JMJD1C: variants seen among roughly 807,000 people sequenced by gnomAD.
JMJD1C encodes jumonji domain-containing protein 1C.
Under a neutral mutation model 245.3 loss-of-function variants are expected in JMJD1C, and 31 were observed. That is an observed-to-expected ratio of 0.13 (90% CI 0.09 to 0.17). JMJD1C has a LOEUF of 0.17. Among genes scored for constraint, JMJD1C ranks in the 10% least tolerant of loss-of-function variants. JMJD1C has a pLI of 1.00. For missense variants in JMJD1C, 2,691 were observed against 3,000.2 expected, an observed-to-expected ratio of 0.90 and a Z score of 2.41; for synonymous variants, 1,057 against 1,017.4, an observed-to-expected ratio of 1.04 and a Z score of -0.74.
chr10:63,367,234 T>G (rs941945410), intron 2 of JMJD1C, among the ~76,000 whole-genome samples: 5 of 151,992 alleles, frequency 3.3e-5, no homozygotes, highest in African/African-American at 9.7e-5. Context: ...AGTTTTTTTT[T>G]GTTTTTGTTT....
Position 63,214,662 on chromosome 10 carries a change from C to A in JMJD1C, c.1505G>T (p.Arg502Ile), listed in dbSNP as rs757689115. The A allele has an allele frequency of 6.2e-7, 1 of 1,614,028 alleles. No individual in the cohort carries two copies. The highest frequency in any genetic ancestry group is 1.1e-5 in the South Asian group (1 of 91,064). ...ELLPKEKFVS[R>I]PPTPKCVIDI... ...AATAACACATTTTGGTGTGGGTGGTCTGGATACAAACTTCTCCTTTGGTAG... is the reference window on the plus strand; with the variant it reads ...AATAACACATTTTGGTGTGGGTGGTATGGATACAAACTTCTCCTTTGGTAG... Residue 502 changes from arginine (R) to isoleucine (I), a missense_variant, in exon 8 of 26, where the codon AGA becomes ATA. Transcript: ENST00000399262.
chr10:63,465,363 A>T (rs994611334), intron 1 of JMJD1C, 132 bp downstream of exon 1: 1 of 952,374 alleles, frequency 1.1e-6, no homozygotes, highest in Non-Finnish European at 1.5e-6. Context: ...CAAACGCGCC[A>T]AGGGTTCAGC....
intron 1 of JMJD1C, among the ~76,000 whole-genome samples, chr10:63,494,129 G>A (rs1589827107): frequency 6.6e-6 from 1 of 152,236 alleles, no homozygotes. Flanking sequence ...TGACCAACAC[G>A]GAGAAACCCC....
At chr10:63,414,863 G>T (rs1253522365) in intron 1 of JMJD1C, among the ~76,000 whole-genome samples, 2 of 150,532 alleles carry the variant, frequency 1.3e-5, no homozygotes, top group Non-Finnish European at 3.0e-5. Flanking sequence ...GCTGAGATCA[G>T]GCCACTGCAC....
intron 1 of JMJD1C, among the ~76,000 whole-genome samples, chr10:63,424,352 C>A (rs1329854177): frequency 6.6e-6 from 1 of 151,944 alleles, no homozygotes; most frequent in African/African-American, 2.4e-5. Flanking sequence ...CAGGCATGAG[C>A]CACTGCACAT....
intron 1 of JMJD1C, among the ~76,000 whole-genome samples, chr10:63,460,492 C>A (rs1050417436): frequency 6.6e-6 from 1 of 152,160 alleles, no homozygotes; most frequent in Non-Finnish European, 1.5e-5. Flanking sequence ...GCACTCCAGC[C>A]TGGGTAACAG....
chr10:63,178,006 T>A (rs1258834771), intron 22 of JMJD1C, 150 bp from the exon 23 acceptor site: 1 of 733,586 alleles, frequency 1.4e-6, no homozygotes, highest in Non-Finnish European at 2.2e-6. Context: ...AGTGGCATGA[T>A]CTTGGCTCAC....
chr10:63,272,791 T>C (rs1856454936), intron 2 of JMJD1C, among the ~76,000 whole-genome samples: 1 of 152,232 alleles, frequency 6.6e-6, no homozygotes, highest in Admixed American at 6.5e-5. Context: ...TATTGTACAT[T>C]AGAAAATTTC....
intron 3 of JMJD1C, chr10:63,223,107 A>G: frequency 1.7e-6 from 1 of 592,960 alleles, no homozygotes; most frequent in East Asian, 3.1e-5. Context: ...AAACTTACCG[A>G]TAGTTTCAGT....
chr10:63,269,684 T>C (rs1856046426), intron 2 of JMJD1C, among the ~76,000 whole-genome samples: 1 of 152,112 alleles, frequency 6.6e-6, no homozygotes, highest in Non-Finnish European at 1.5e-5. Flanking sequence ...CATAGGCATT[T>C]TACTAAAAAA....
chr10:63,521,597 C>A, intron 1 of JMJD1C: 1 of 1,402,640 alleles, frequency 7.1e-7, no homozygotes, highest in South Asian at 1.6e-5. Flanking sequence ...TCTCACTGCG[C>A]CCTGCAGCCG....
rs749792162 is a variant in JMJD1C at position 63,176,371 on chromosome 10, A to G, written c.7327T>C (p.Tyr2443His). 9.3e-6 allele frequency: 15 copies of G among 1,614,066 alleles called. No homozygotes were observed. Among genetic ancestry groups the G allele is most frequent in the Non-Finnish European group, 1.2e-5 (14 of 1,179,950 alleles). Residue 2443 changes from tyrosine (Y) to histidine (H), a missense_variant, in exon 24 of 26, where the codon TAT becomes CAT. Around this residue, in one of 9 missense-constraint regions of JMJD1C, gnomAD observed 232 missense variants for 416.1 expected, o/e 0.56. Coordinates refer to ENST00000399262, the MANE Select transcript of JMJD1C (RefSeq NM_032776.3). ...KKLRQRLLEE[Y>H]GVRTCTLIQF... Reference sequence around the variant, plus strand: ...ATAAGAGTACAGGTTCTGACTCCATATTCTTCAAGCAGCCTTTGACGGAGC... The same window carrying G: ...ATAAGAGTACAGGTTCTGACTCCATGTTCTTCAAGCAGCCTTTGACGGAGC...
chr10:63,485,734 G>A (rs116999194), intron 1 of JMJD1C, among the ~76,000 whole-genome samples: 2,655 of 152,242 alleles, frequency 0.017, 34 homozygotes, highest in South Asian at 0.034. Context: ...TTAAATAACA[G>A]TGCTATATGA....
intron 1 of JMJD1C, among the ~76,000 whole-genome samples, chr10:63,486,612 AC>A (rs1404565484): frequency 6.6e-6 from 1 of 152,194 alleles, no homozygotes; most frequent in Non-Finnish European, 1.5e-5. Flanking sequence ...ATCTAAAAAA[AC>A]AACAAACCCA....
intron 2 of JMJD1C, among the ~76,000 whole-genome samples, chr10:63,284,768 G>A (rs1268610220): frequency 6.6e-6 from 1 of 151,866 alleles, no homozygotes; most frequent in Non-Finnish European, 1.5e-5. Context: ...ACAGTTCAGA[G>A]TTGTGAGTGG....
chr10:63,464,360 G>C (rs1480516896), intron 1 of JMJD1C, among the ~76,000 whole-genome samples: 1 of 151,842 alleles, frequency 6.6e-6, no homozygotes, highest in Non-Finnish European at 1.5e-5. Flanking sequence ...TATTAAAATA[G>C]GTAGGTAAAA....
chr10:63,191,029 T>G lies in JMJD1C; in HGVS notation c.6156A>C (p.Thr2052=), dbSNP rs1844733418. 1 of 1,614,080 alleles carries G rather than the reference T, an allele frequency of 6.2e-7. No homozygotes were observed. The highest frequency in any genetic ancestry group is 1.1e-5 in the South Asian group (1 of 91,088). ...CATTATTCTGGGACACAAGAGGTGA[T>G]GTTCTGCCATTTGGAGATTCAGAGT... is the stretch of plus-strand genomic sequence containing the variant. ...QDNSESPNGR[T]SPLVSQNNEQ... The change falls in exon 17 of 26, where the codon ACA becomes ACC. Residue 2052 remains threonine, a synonymous_variant. Coordinates refer to ENST00000399262, the MANE Select transcript of JMJD1C (RefSeq NM_032776.3).
intron 2 of JMJD1C, among the ~76,000 whole-genome samples, chr10:63,281,706 G>C (rs1016989965): frequency 6.6e-6 from 1 of 150,984 alleles, no homozygotes; most frequent in Non-Finnish European, 1.5e-5. Flanking sequence ...TCCTGACCTC[G>C]TGATCTACCA....
chr10:63,314,916 TG>T (rs914457688), intron 2 of JMJD1C, among the ~76,000 whole-genome samples: 2 of 150,942 alleles, frequency 1.3e-5, no homozygotes, highest in African/African-American at 4.9e-5. Context: ...CCCAAAGTGC[TG>T]GGATTACAGG....
Sources: allele counts gnomAD v4.1 joint callset (sites outside exome capture counted in the v4.1 genomes callset), GRCh38; gene constraint gnomAD v4.1.1; regional missense constraint gnomAD v4.1.1; transcripts MANE v1.5; gene names NCBI Gene and HGNC (gene_info 2026-07-23, HGNC 2026-07-21).